The following NCAPD3 variants were observed in gnomAD, a reference collection of about 807,000 sequenced individuals.
NCAPD3 encodes the protein non-SMC condensin II complex subunit D3, also known as condensin-2 complex subunit D3.
NCAPD3 carries 105 observed loss-of-function variants against 182.9 expected under a neutral mutation model. That is an observed-to-expected ratio of 0.57 (90% CI 0.49 to 0.68). NCAPD3 has a LOEUF of 0.68. Ranked by LOEUF, NCAPD3 falls within the 30% of genes least tolerant of loss-of-function variation. NCAPD3 has a pLI of 0.00. For missense variants in NCAPD3, 1,944 were observed against 1,837.0 expected (o/e 1.06, Z -1.07); for synonymous variants, 815 against 679.9 (o/e 1.20, Z -3.09).
intron 16 of NCAPD3, among the ~76,000 whole-genome samples, chr11:134,189,276 CTG>C (rs1286733793): frequency 6.6e-6 from 1 of 152,080 alleles, no homozygotes; most frequent in East Asian, 1.9e-4. Flanking sequence ...TTTTTGAAGA[CTG>C]TTTTTCTTTC....
At chr11:134,162,031 G>A (rs1565519945) in intron 27 of NCAPD3, 140 bp from the exon 28 acceptor site, 2 of 560,672 alleles carry the variant, frequency 3.6e-6, no homozygotes, top group Non-Finnish European at 6.2e-6. Flanking sequence ...ACTGGATGTA[G>A]AGGACCTCTG....
chr11:134,163,871 CAAAAAAAA>C (rs60340458), intron 27 of NCAPD3, among the ~76,000 whole-genome samples: 1 of 70,902 alleles, frequency 1.4e-5, no homozygotes, highest in African/African-American at 5.3e-5. Flanking sequence ...GATTCTGTCT[CAAAAAAAA>C]AAAAAAAAAA....
intron 32 of NCAPD3, among the ~76,000 whole-genome samples, chr11:134,156,143 G>C (rs963113518): frequency 4.6e-5 from 7 of 152,338 alleles, no homozygotes; most frequent in Non-Finnish European, 7.4e-5. Flanking sequence ...CAAGAGTTGG[G>C]ACCAGAAGGC....
chr11:134,180,985 G>T, intron 20 of NCAPD3, 92 bp downstream of exon 20: 3 of 872,054 alleles, frequency 3.4e-6, no homozygotes, highest in Non-Finnish European at 3.7e-6. Flanking sequence ...TTTGTTAAAA[G>T]CATTTAAAGC....
chr11:134,162,320 G>A (rs1190577399), intron 27 of NCAPD3, among the ~76,000 whole-genome samples: 1 of 152,130 alleles, frequency 6.6e-6, no homozygotes, highest in Admixed American at 6.5e-5. Context: ...CTGGTGAAGG[G>A]ACAATGGTCT....
intron 13 of NCAPD3, among the ~76,000 whole-genome samples, chr11:134,195,813 G>A (rs147489096): frequency 6.6e-6 from 1 of 152,228 alleles, no homozygotes; most frequent in African/African-American, 2.4e-5. Context: ...TATTAAACAG[G>A]ATTCTCATCT....
At chr11:134,171,536 T>A (rs1416985039) in intron 24 of NCAPD3, among the ~76,000 whole-genome samples, 9 of 152,166 alleles carry the variant, frequency 5.9e-5, no homozygotes. Flanking sequence ...TGACCTGGCC[T>A]ACAACACATC....
intron 24 of NCAPD3, among the ~76,000 whole-genome samples, chr11:134,174,686 TAAC>T (rs1236036392): frequency 7.2e-5 from 11 of 152,098 alleles, no homozygotes; most frequent in Admixed American, 4.6e-4. Context: ...TTGAATATAA[TAAC>T]AACAATTTAC....
chr11:134,225,141 G>C, upstream of NCAPD3: 1 of 1,609,984 alleles, frequency 6.2e-7, no homozygotes, highest in Non-Finnish European at 8.5e-7. Flanking sequence ...CTTCGGCTTC[G>C]GGCAGAGCGT....
intron 10 of NCAPD3, 40 bp from the exon 11 acceptor site, chr11:134,203,946 G>C (rs1471269315): frequency 1.2e-6 from 2 of 1,607,172 alleles, no homozygotes; most frequent in Non-Finnish European, 1.7e-6. Context: ...TCAGATAGGA[G>C]TAAGAACCAA....
At chr11:134,219,539 G>A (rs1387710536) in intron 2 of NCAPD3, among the ~76,000 whole-genome samples, 1 of 152,170 alleles carries the variant, frequency 6.6e-6, no homozygotes, top group Non-Finnish European at 1.5e-5. Context: ...TATGCTGAAG[G>A]AATGTTTAAT....
intron 16 of NCAPD3, among the ~76,000 whole-genome samples, chr11:134,189,184 T>C (rs1347062206): frequency 2.6e-5 from 4 of 152,252 alleles, no homozygotes; most frequent in Admixed American, 2.6e-4. Flanking sequence ...TGTAGTTGTA[T>C]CACCCATTTC....
In NCAPD3 at chr11:134,209,486, T is replaced by C. The variant is rs201778954; in HGVS notation, c.568-9A>G. 5 of 1,606,176 alleles carry C rather than the reference T, an allele frequency of 3.1e-6. No homozygotes were observed. The East Asian group carries it at 8.9e-5, about 29-fold the overall frequency. ...TCTATAATTTCATCCATCTAGATTA[T>C]GAAGAAATGTACAGGTGACTGTAAT... On this transcript the variant is annotated splice_polypyrimidine_tract_variant and intron_variant, in intron 4 of 34. Coordinates refer to ENST00000534548, the MANE Select transcript of NCAPD3 (RefSeq NM_015261.3).
At chr11:134,205,378 A>ATT (rs1297442366) in intron 8 of NCAPD3, among the ~76,000 whole-genome samples, 1 of 151,390 alleles carries the variant, frequency 6.6e-6, no homozygotes, top group Non-Finnish European at 1.5e-5. Context: ...CCAATAAGAA[A>ATT]TTTCTTTTTT....
At chr11:134,158,148 G>A in intron 30 of NCAPD3, 81 bp from the exon 31 acceptor site, 1 of 1,550,554 alleles carries the variant, frequency 6.4e-7, no homozygotes, top group East Asian at 2.3e-5. Context: ...GTCCCCGCGT[G>A]CCTCCTCACC....
At position 134,168,056 on chromosome 11, in the gene NCAPD3, T is replaced by G; in HGVS notation, c.3513A>C (p.Glu1171Asp). The G allele has an allele frequency of 3.1e-6, 5 of 1,614,066 alleles. No individual in the cohort carries two copies. Among genetic ancestry groups the G allele is most frequent in the Non-Finnish European group, 4.2e-6 (5 of 1,179,912 alleles). Residue 1171 changes from glutamate (E) to aspartate (D), a missense_variant, in exon 27 of 35, where the codon GAA (glutamate) becomes GAC (aspartate). Physicochemically the swap from Glu to Asp is conservative, Grantham distance 45. This residue lies in a region of NCAPD3 where 1,803 missense variants were observed against 1,674.6 expected (regional missense o/e 1.08). Coordinates refer to ENST00000534548, the MANE Select transcript of NCAPD3 (RefSeq NM_015261.3). ...CTACATTTGCCAAGGCCATGTCATCTTCTTCCATAAGGAGGTCTTTGTCTG... is the reference window on the plus strand; with the variant it reads ...CTACATTTGCCAAGGCCATGTCATCGTCTTCCATAAGGAGGTCTTTGTCTG... ...SKPDKDLLME[E>D]DDMALANVVM...
chr11:134,173,890 G>A (rs1944088170), intron 24 of NCAPD3, among the ~76,000 whole-genome samples: 1 of 151,654 alleles, frequency 6.6e-6, no homozygotes, highest in South Asian at 2.1e-4. Context: ...GAACCAGGGA[G>A]TCGGAGGCTG....
intron 2 of NCAPD3, among the ~76,000 whole-genome samples, chr11:134,218,119 GGGGA>G (rs1938097757): frequency 1.8e-5 from 2 of 110,916 alleles, no homozygotes; most frequent in Non-Finnish European, 4.0e-5. Flanking sequence ...AAGGGGGGGG[GGGGA>G]AGAAATCATC....
rs996523243 is a variant in NCAPD3, at chr11:134,153,293, G to A, written c.4323C>T (p.Ala1441=). 1 of 1,614,064 alleles carries A rather than the reference G, an allele frequency of 6.2e-7. No homozygotes were observed. The highest frequency in any genetic ancestry group is 1.3e-5 in the African/African-American group (1 of 74,922). The change falls in exon 33 of 35, where the codon GCC becomes GCT. Residue 1441 remains alanine, a synonymous_variant. Transcript: ENST00000534548. ...AGAAGGACACCAAGAACTTGCCTTTGGCTGACGACGGAGTCCGTGGTGTCC... is the reference window on the plus strand; with the variant it reads ...AGAAGGACACCAAGAACTTGCCTTTAGCTGACGACGGAGTCCGTGGTGTCC... ...YIGTPRTPSS[A]KEKIEGRSQG...
Sources: allele counts gnomAD v4.1 joint callset (sites outside exome capture counted in the v4.1 genomes callset), GRCh38; gene constraint gnomAD v4.1.1; regional missense constraint gnomAD v4.1.1; transcripts MANE v1.5; gene names NCBI Gene and HGNC (gene_info 2026-07-23, HGNC 2026-07-21).